The following TXNRD2 variants were observed in gnomAD, a reference collection of about 807,000 sequenced individuals.
TXNRD2 encodes thioredoxin reductase 2, mitochondrial.
Under a neutral mutation model 70.8 loss-of-function variants are expected in TXNRD2, and 67 were observed. That is an observed-to-expected ratio of 0.95 (90% confidence interval 0.78 to 1.16). The LOEUF is 1.16. TXNRD2 is among the 50% of genes most tolerant of loss of function. The pLI is 0.00. For synonymous variants in TXNRD2, 301 were observed against 295.8 expected, an observed-to-expected ratio of 1.02 and a Z score of -0.18; for missense variants, 644 against 719.9, an observed-to-expected ratio of 0.89 and a Z score of 1.21.
At chr22:19,925,154 T>A (rs9606181) in intron 2 of TXNRD2, among the ~76,000 whole-genome samples, 3 of 151,380 alleles carry the variant, frequency 2.0e-5, no homozygotes, top group Non-Finnish European at 4.4e-5. Flanking sequence ...CATGGTGGCA[T>A]GCGCCTGTAG....
In TXNRD2 at chr22:19,915,872, A is replaced by G. The variant is rs780303982; in HGVS notation, c.450-29T>C. The stretch of plus-strand genomic sequence containing the variant: ...AAAGATAAAGATAAGATTTTCAAAC[A>G]CTTCCTCTGCAAATTAAACCTCACC... On this transcript the variant is annotated intron_variant, in intron 5 of 17. Transcript: ENST00000400521. The G allele has an allele frequency of 5.0e-6, 8 of 1,596,934 alleles. No individual in the cohort carries two copies. In the African/African-American group the frequency reaches 5.4e-5, roughly 11 times the overall value.
chr22:19,915,097 T>A, intron 7 of TXNRD2, 117 bp downstream of exon 7: 1 of 921,236 alleles, frequency 1.1e-6, no homozygotes, highest in East Asian at 2.7e-5. Context: ...ATAGTGAGTA[T>A]AGGGGGAAAG....
chr22:19,896,430 G>C lies in TXNRD2; in HGVS notation c.775-849C>G, dbSNP rs571557728. On this transcript the variant is annotated intron_variant, in intron 10 of 17. Coordinates refer to ENST00000400521, the MANE Select transcript of TXNRD2 (RefSeq NM_006440.5). ...GGCAGAGAAGCGTGCCTTCCCCCAG[G>C]AGCTGTGCCCTGGTCCAACAAGATG... Among the ~76,000 whole-genome samples, 4 of 152,176 alleles carry C rather than the reference G, an allele frequency of 2.6e-5. No homozygotes were observed. In the South Asian group the frequency reaches 8.3e-4, roughly 32 times the overall value.
chr22:19,882,991 G>T (rs149428601), intron 12 of TXNRD2, among the ~76,000 whole-genome samples: 2 of 152,372 alleles, frequency 1.3e-5, no homozygotes, highest in Admixed American at 6.5e-5. Context: ...GCATTTCTAA[G>T]CCTATGCCTC....
At position 19,908,686 on chromosome 22, in the gene TXNRD2, G is replaced by A. The variant is rs140518575; in HGVS notation, c.662+2691C>T. On this transcript the variant is annotated intron_variant, in intron 8 of 17. Transcript: ENST00000400521. The stretch of plus-strand genomic sequence containing the variant: ...GAGGTATTTGCACACCTATGTTCAC[G>A]GCAGCACTGCTCACAACAGCCAAGA... Among the ~76,000 whole-genome samples, 8 of 152,232 alleles carry A rather than the reference G, an allele frequency of 5.3e-5. No homozygotes were observed. In the East Asian group the frequency reaches 5.8e-4, roughly 11 times the overall value.
intron 1 of TXNRD2, among the ~76,000 whole-genome samples, chr22:19,936,086 TG>T (rs574061995): frequency 9.5e-4 from 144 of 152,308 alleles, no homozygotes; most frequent in Non-Finnish European, 1.8e-3. Flanking sequence ...ACGTTAGATG[TG>T]GAACTATGGG....
chr22:19,906,216 A>C (rs988822996), intron 8 of TXNRD2, among the ~76,000 whole-genome samples: 1 of 152,206 alleles, frequency 6.6e-6, no homozygotes, highest in Admixed American at 6.5e-5. Context: ...ATGCTCACAG[A>C]CACGCTCATC....
At chr22:19,889,351 G>A (rs1422319284) in intron 11 of TXNRD2, among the ~76,000 whole-genome samples, 8 of 152,170 alleles carry the variant, frequency 5.3e-5, no homozygotes, top group Non-Finnish European at 1.0e-4. Flanking sequence ...AGTGGCTCAC[G>A]CCTGTAATCC....
intron 2 of TXNRD2, among the ~76,000 whole-genome samples, chr22:19,922,834 G>A (rs537093647): frequency 2.0e-4 from 31 of 152,162 alleles, no homozygotes; most frequent in Admixed American, 4.6e-4. Context: ...TTACAGGTGC[G>A]CACCACCATG....
intron 12 of TXNRD2, among the ~76,000 whole-genome samples, chr22:19,883,038 G>T (rs1938853718): frequency 6.6e-6 from 1 of 152,274 alleles, no homozygotes; most frequent in Non-Finnish European, 1.5e-5. Flanking sequence ...TGCGTGCAGA[G>T]CTGACCCATG....
chr22:19,887,385 T>C (rs1939077961), intron 11 of TXNRD2: 1 of 152,372 alleles, frequency 6.6e-6, no homozygotes. Flanking sequence ...GCTGTGGACT[T>C]AGCTGAGCGG....
At position 19,887,029 on chromosome 22, in the gene TXNRD2, G is replaced by T. The variant is rs76741000; in HGVS notation, c.950-3568C>A. ...GGGCAGGCGGCGCACAGCACTCTCT[G>T]TCATGCTGCTTTAATTTGCACTTCT... On this transcript the variant is annotated intron_variant, in intron 11 of 17. Coordinates refer to ENST00000400521, the MANE Select transcript of TXNRD2 (RefSeq NM_006440.5). Among the ~76,000 whole-genome samples, 275 of 152,318 alleles carry T rather than the reference G, an allele frequency of 1.8e-3. 2 individuals carry two copies. The highest frequency in any genetic ancestry group is 6.4e-3 in the African/African-American group (266 of 41,564).
chr22:19,901,759 G>A (rs1939788038), intron 8 of TXNRD2, among the ~76,000 whole-genome samples: 1 of 152,188 alleles, frequency 6.6e-6, no homozygotes, highest in Non-Finnish European at 1.5e-5. Flanking sequence ...CCCAGCAGGG[G>A]TAGGGACAGA....
intron 8 of TXNRD2, among the ~76,000 whole-genome samples, chr22:19,905,285 A>G (rs1442810279): frequency 6.6e-6 from 1 of 152,248 alleles, no homozygotes; most frequent in East Asian, 1.9e-4. Flanking sequence ...TTCTTAAACA[A>G]TAACATACCT....
In TXNRD2 at chr22:19,918,899, T is replaced by C. The variant is rs758941896; in HGVS notation, c.335A>G (p.Asn112Ser). The C allele has an allele frequency of 3.1e-6, 5 of 1,612,538 alleles. No homozygotes were observed. The South Asian group carries it at 4.4e-5, about 14-fold the overall frequency. ...LLGGLIQDAP[N>S]YGWEVAQPVP... is the part of the protein sequence containing the mutation. ...GGGCTGGGCCACCTCCCAGCCATAG[T>C]TGGGGGCATCTTGGATCAGGCCTCC... The change falls in exon 4 of 18, where the codon AAC (asparagine) becomes AGC (serine). Residue 112 changes from asparagine to serine, a missense_variant. Asn to Ser is a conservative substitution (Grantham distance 46, BLOSUM62 1). Coordinates refer to ENST00000400521, the MANE Select transcript of TXNRD2 (RefSeq NM_006440.5).
chr22:19,887,364 T>C lies in TXNRD2; in HGVS notation c.950-3903A>G, dbSNP rs1490548555. On this transcript the variant is annotated intron_variant, in intron 11 of 17. Transcript: ENST00000400521. ...TGTGCACATGAAGCAGGAGGGCTCA[T>C]AGGCCTGCATGCTGTGGACTTAGCT... 5.3e-5 allele frequency: 8 copies of C among 152,354 alleles called. No homozygotes were observed. The East Asian group carries it at 5.8e-4, about 11-fold the overall frequency. The allele number at this position is 152,354 out of a possible 1,614,324, so 9.4% of individuals were successfully genotyped here.
chr22:19,933,605 G>T, intron 1 of TXNRD2: 1 of 913,438 alleles, frequency 1.1e-6, no homozygotes, highest in East Asian at 6.3e-5. Context: ...GCACACCCAG[G>T]AGCCCTCTCG....
intron 5 of TXNRD2, among the ~76,000 whole-genome samples, chr22:19,917,537 C>G (rs1940691271): frequency 6.6e-6 from 1 of 152,268 alleles, no homozygotes; most frequent in East Asian, 1.9e-4. Flanking sequence ...TCCACAGCCC[C>G]GGGAGAAAGG....
intron 7 of TXNRD2, among the ~76,000 whole-genome samples, chr22:19,912,272 C>A (rs762174467): frequency 6.6e-5 from 10 of 152,218 alleles, no homozygotes; most frequent in Non-Finnish European, 1.2e-4. Flanking sequence ...TCAGGAATTT[C>A]TCAGGTTTAC....
Sources: allele counts gnomAD v4.1 joint callset (sites outside exome capture counted in the v4.1 genomes callset), GRCh38; gene constraint gnomAD v4.1.1; transcripts MANE v1.5; gene names NCBI Gene and HGNC (gene_info 2026-07-23, HGNC 2026-07-21).